SPHKAP: variants seen among roughly 807,000 people sequenced by gnomAD.
SPHKAP encodes SPHK1 interactor, AKAP domain containing, also known as A-kinase anchor protein SPHKAP.
SPHKAP carries 67 observed loss-of-function variants against 137.5 expected under a neutral mutation model. That is an observed-to-expected ratio of 0.49 (90% CI 0.40 to 0.60). The LOEUF is 0.60. SPHKAP is among the 20% of genes least tolerant of loss of function. SPHKAP has a pLI of 0.00. For missense variants in SPHKAP, 2,097 were observed against 2,069.3 expected (o/e 1.01, Z -0.26); for synonymous variants, 813 against 785.3 (o/e 1.04, Z -0.59).
At chr2:228,157,639 G>T (rs866377023) in intron 1 of SPHKAP, among the ~76,000 whole-genome samples, 38 of 151,820 alleles carry the variant, frequency 2.5e-4, no homozygotes, top group African/African-American at 8.2e-4. Context: ...TTGTCTCATT[G>T]CAGGCACTTC....
chr2:227,997,359 A>C (rs1693676885), intron 7 of SPHKAP, among the ~76,000 whole-genome samples: 2 of 152,298 alleles, frequency 1.3e-5, no homozygotes, highest in South Asian at 2.1e-4. Flanking sequence ...TCTGCCATCC[A>C]ACTGCTGTAG....
At chr2:228,130,076 A>G (rs7603510) in intron 2 of SPHKAP, among the ~76,000 whole-genome samples, 51,868 of 151,852 alleles carry the variant, frequency 0.34, 9,100 homozygotes, top group East Asian at 0.5. Flanking sequence ...GATTACAGGC[A>G]TGAGCGACCG....
intron 3 of SPHKAP, among the ~76,000 whole-genome samples, chr2:228,060,648 G>T (rs750232959): frequency 2.0e-5 from 3 of 152,128 alleles, no homozygotes; most frequent in Non-Finnish European, 2.9e-5. Context: ...TACTGCCATG[G>T]TTCTGATATA....
rs150119101 is a variant in SPHKAP, at chr2:228,016,428, C to G, written c.4426G>C (p.Val1476Leu). 50 of 1,602,880 alleles carry G rather than the reference C, an allele frequency of 3.1e-5. No homozygotes were observed. Among genetic ancestry groups the G allele is most frequent in the Non-Finnish European group, 4.0e-5 (47 of 1,175,786 alleles). Residue 1476 changes from valine (V) to leucine (L), a missense_variant, in exon 7 of 12, where the codon GTG (valine) becomes CTG (leucine). By Grantham distance (32) the Val-to-Leu change is conservative. Coordinates refer to ENST00000392056, the MANE Select transcript of SPHKAP (RefSeq NM_001142644.2). ...PDVVRGGDTA[V>L]SACQIHSDSL... ...CACCTATGGATTTGACAAGCGCTCA[C>G]GGCTGTGTCTCCACCTCTCACCACA... is the stretch of plus-strand genomic sequence containing the variant.
chr2:227,981,908 A>C (rs764579672), intron 11 of SPHKAP, 48 bp from the exon 12 acceptor site: 56 of 1,570,174 alleles, frequency 3.6e-5, no homozygotes, highest in Non-Finnish European at 4.6e-5. Flanking sequence ...GAGGGTCCTC[A>C]AAGCCACCTC....
intron 1 of SPHKAP, among the ~76,000 whole-genome samples, chr2:228,178,561 C>A (rs1003008890): frequency 2.0e-5 from 3 of 152,002 alleles, no homozygotes; most frequent in Non-Finnish European, 2.9e-5. Flanking sequence ...TTTCTAATAT[C>A]TAATTTTGCG....
chr2:227,984,097 G>A (rs1693113323), intron 11 of SPHKAP, among the ~76,000 whole-genome samples: 1 of 151,940 alleles, frequency 6.6e-6, no homozygotes, highest in South Asian at 2.1e-4. Context: ...TCAGGAATTC[G>A]AGACCAGCCT....
chr2:228,015,144 C>T (rs1187493821), intron 7 of SPHKAP, among the ~76,000 whole-genome samples: 1 of 144,154 alleles, frequency 6.9e-6, no homozygotes, highest in Non-Finnish European at 1.5e-5. Context: ...TTGTTTAATT[C>T]CCACCTATGA....
Position 228,107,963 on chromosome 2 carries a change from T to G in SPHKAP, c.246+869A>C, listed in dbSNP as rs570123366. ...TGTGAAATGTTTAACATCCTCTGTCTGCCAGTTCTGGTTCTTTAGTTCTGC... is the reference window on the plus strand; with the variant it reads ...TGTGAAATGTTTAACATCCTCTGTCGGCCAGTTCTGGTTCTTTAGTTCTGC... On this transcript the variant is annotated intron_variant, in intron 3 of 11. Coordinates refer to ENST00000392056, the MANE Select transcript of SPHKAP (RefSeq NM_001142644.2). Among the ~76,000 whole-genome samples the G allele has an allele frequency of 2.6e-5, 4 of 152,340 alleles. No homozygotes were observed. The South Asian group carries it at 8.3e-4, about 32-fold the overall frequency.
intron 7 of SPHKAP, among the ~76,000 whole-genome samples, chr2:228,014,489 C>T (rs1012360057): frequency 2.6e-5 from 4 of 152,174 alleles, no homozygotes; most frequent in Non-Finnish European, 4.4e-5. Flanking sequence ...GCTCTGCCTA[C>T]CTCATTTGAT....
chr2:228,079,911 C>T (rs576967608), intron 3 of SPHKAP, among the ~76,000 whole-genome samples: 13 of 152,320 alleles, frequency 8.5e-5, no homozygotes, highest in East Asian at 3.9e-4. Flanking sequence ...CCTCAAACCA[C>T]GCCATGTGCA....
chr2:228,074,583 C>T (rs1236751535), intron 3 of SPHKAP, among the ~76,000 whole-genome samples: 1 of 152,160 alleles, frequency 6.6e-6, no homozygotes, highest in African/African-American at 2.4e-5. Context: ...CAATTAACTC[C>T]ACCTGGCCCC....
chr2:228,062,664 T>G (rs1200966072), intron 3 of SPHKAP, among the ~76,000 whole-genome samples: 1 of 152,216 alleles, frequency 6.6e-6, no homozygotes, highest in African/African-American at 2.4e-5. Flanking sequence ...GAGCTTTTTT[T>G]ATTTTGTGAA....
At chr2:228,145,379 A>G (rs1357739305) in intron 1 of SPHKAP, among the ~76,000 whole-genome samples, 1 of 152,116 alleles carries the variant, frequency 6.6e-6, no homozygotes, top group Non-Finnish European at 1.5e-5. Context: ...TATTATGGGG[A>G]CTATTTAGAA....
chr2:228,037,992 C>T (rs1695691913), intron 3 of SPHKAP, among the ~76,000 whole-genome samples: 1 of 152,134 alleles, frequency 6.6e-6, no homozygotes, highest in Non-Finnish European at 1.5e-5. Flanking sequence ...AATACAGGAC[C>T]AGCCTCTGTC....
intron 7 of SPHKAP, among the ~76,000 whole-genome samples, chr2:227,998,266 G>T (rs1296296599): frequency 6.6e-6 from 1 of 152,118 alleles, no homozygotes; most frequent in Non-Finnish European, 1.5e-5. Flanking sequence ...CCAAAGTGCT[G>T]GGATTACAGG....
chr2:228,112,022 G>A (rs1698533828), intron 2 of SPHKAP, among the ~76,000 whole-genome samples: 1 of 152,024 alleles, frequency 6.6e-6, no homozygotes, highest in Admixed American at 6.6e-5. Flanking sequence ...ATTATATAAT[G>A]TAATTAATCT....
intron 6 of SPHKAP, among the ~76,000 whole-genome samples, chr2:228,020,971 A>G (rs539875538): frequency 6.6e-6 from 1 of 152,252 alleles, no homozygotes; most frequent in Non-Finnish European, 1.5e-5. Context: ...CAGTGGGTAC[A>G]GAAGGAGAAG....
rs751254035 is a variant in SPHKAP, at chr2:228,016,789, C to T, written c.4065G>A (p.Arg1355=). 8 of 1,614,034 alleles carry T rather than the reference C, an allele frequency of 5.0e-6. No homozygotes were observed. The Admixed American group carries it at 8.3e-5, about 17-fold the overall frequency. The change falls in exon 7 of 12, where the codon AGG becomes AGA. Residue 1355 remains arginine (R), a synonymous_variant. Transcript: ENST00000392056. ...EKCANRLAAS[R]MCSGPTLLVQ... ...CAAGCAGAGTTGGCCCACTGCACAT[C>T]CTGCTCGCAGCTAATCTATTTGCAC...
Sources: allele counts gnomAD v4.1 joint callset (sites outside exome capture counted in the v4.1 genomes callset), GRCh38; gene constraint gnomAD v4.1.1; transcripts MANE v1.5; gene names NCBI Gene and HGNC (gene_info 2026-07-23, HGNC 2026-07-21).